The following ADK variants were observed in gnomAD, a reference collection of about 807,000 sequenced individuals.
ADK encodes N6,N6-dimethyladenosine kinase.
ADK carries 24 observed loss-of-function variants against 44.7 expected under a neutral mutation model. The ratio of observed to expected loss-of-function variants is 0.54; its 90% confidence interval spans 0.39 to 0.76. The LOEUF (loss-of-function observed/expected upper bound fraction) is 0.76, where lower values mean the gene tolerates loss of function less well. Ranked by LOEUF, ADK falls within the 30% of genes least tolerant of loss-of-function variation. The pLI is 0.00. For missense variants in ADK, 321 were observed against 425.1 expected (o/e 0.76, Z 2.15); for synonymous variants, 128 against 142.6 (o/e 0.90, Z 0.73).
intron 3 of ADK, among the ~76,000 whole-genome samples, chr10:74,275,878 T>A (rs1327607533): frequency 1.3e-5 from 2 of 152,118 alleles, no homozygotes; most frequent in Admixed American, 1.3e-4. Context: ...TGACCTCAGG[T>A]GATCTGCCTG....
intron 3 of ADK, among the ~76,000 whole-genome samples, chr10:74,312,965 T>C (rs1254612385): frequency 6.9e-6 from 1 of 144,202 alleles, no homozygotes; most frequent in South Asian, 2.3e-4. Flanking sequence ...CTTACCATTA[T>C]AAGTCTAAAT....
Position 74,273,512 on chromosome 10 carries a change from T to A in ADK, c.195-41155T>A, listed in dbSNP as rs150231882. Reference sequence around the variant, plus strand: ...TGCTCTTGTTCCCCAGGCTGGAGTGTGATGGCATGATCTTGGCTCACTGCA... The same window carrying A: ...TGCTCTTGTTCCCCAGGCTGGAGTGAGATGGCATGATCTTGGCTCACTGCA... On this transcript the variant is annotated intron_variant, in intron 3 of 10. Coordinates refer to ENST00000539909, the MANE Select transcript of ADK (RefSeq NM_006721.4). Among the ~76,000 whole-genome samples, 639 of 152,038 alleles carry A rather than the reference T, an allele frequency of 4.2e-3. 5 individuals are homozygous for A. Among genetic ancestry groups the A allele is most frequent in the African/African-American group, 0.015 (618 of 41,468 alleles).
At chr10:74,320,802 G>A (rs1840782294) in intron 4 of ADK, among the ~76,000 whole-genome samples, 1 of 152,138 alleles carries the variant, frequency 6.6e-6, no homozygotes, top group African/African-American at 2.4e-5. Context: ...CTAAATGTTA[G>A]AGATTTTGAG....
intron 3 of ADK, among the ~76,000 whole-genome samples, chr10:74,287,995 A>C: frequency 6.6e-6 from 1 of 151,726 alleles, no homozygotes; most frequent in East Asian, 1.9e-4. Context: ...AAAAAAAAAA[A>C]AAAAAAGAGA....
chr10:74,450,354 T>C lies in ADK; in HGVS notation c.555+51775T>C, dbSNP rs538510502. 4.9e-4 allele frequency among the ~76,000 whole-genome samples: 75 copies of C among 152,138 alleles called. 1 individual carries two copies. Among genetic ancestry groups the C allele is most frequent in the Non-Finnish European group, 9.4e-4 (64 of 68,020 alleles). ...CAGCAATACAGCCCCAATTTCTAAATTGGAGAAAGTCATTTTCTATTTCGT... is the reference window on the plus strand; with the variant it reads ...CAGCAATACAGCCCCAATTTCTAAACTGGAGAAAGTCATTTTCTATTTCGT... On this transcript the variant is annotated intron_variant, in intron 6 of 10. Transcript: ENST00000539909.
At chr10:74,659,598 T>G (rs1291374063) in intron 9 of ADK, among the ~76,000 whole-genome samples, 2 of 152,224 alleles carry the variant, frequency 1.3e-5, no homozygotes, top group Non-Finnish European at 2.9e-5. Context: ...ACTAATAGGA[T>G]AGATATGTAT....
intron 9 of ADK, chr10:74,655,804 C>T: frequency 2.0e-6 from 1 of 505,042 alleles, no homozygotes; most frequent in East Asian, 4.5e-5. Flanking sequence ...CCCATCAAGG[C>T]AGAGGTACAG....
At chr10:74,400,008 C>G (rs534682597) in intron 6 of ADK, among the ~76,000 whole-genome samples, 139 of 151,540 alleles carry the variant, frequency 9.2e-4, no homozygotes, top group Non-Finnish European at 1.5e-3. Flanking sequence ...AGTGTAGATT[C>G]AACTTGCAGA....
At chr10:74,205,369 G>C (rs1413008542) in intron 2 of ADK, among the ~76,000 whole-genome samples, 1 of 151,916 alleles carries the variant, frequency 6.6e-6, no homozygotes, top group Non-Finnish European at 1.5e-5. Context: ...TGTAGAGCAG[G>C]TTAACATTTG....
intron 9 of ADK, among the ~76,000 whole-genome samples, chr10:74,601,418 T>C (rs1852115102): frequency 6.6e-6 from 1 of 152,140 alleles, no homozygotes; most frequent in South Asian, 2.1e-4. Flanking sequence ...ATATTTGAGG[T>C]TTATAACATG....
At chr10:74,707,089 G>A (rs1448864489) in intron 10 of ADK, among the ~76,000 whole-genome samples, 3 of 152,180 alleles carry the variant, frequency 2.0e-5, no homozygotes, top group Admixed American at 6.5e-5. Flanking sequence ...AGGTTGGGGT[G>A]CAGTGATATG....
At chr10:74,540,727 G>A (rs1371980725) in intron 7 of ADK, among the ~76,000 whole-genome samples, 1 of 151,976 alleles carries the variant, frequency 6.6e-6, no homozygotes, top group South Asian at 2.1e-4. Context: ...CCCATGTGCT[G>A]GGGTTACAGG....
chr10:74,190,391 C>T (rs183562504), intron 1 of ADK, among the ~76,000 whole-genome samples: 325 of 152,298 alleles, frequency 2.1e-3, no homozygotes, highest in Non-Finnish European at 3.0e-3. Context: ...TTAGGGCCTT[C>T]TCAGGTCTTT....
intron 3 of ADK, among the ~76,000 whole-genome samples, chr10:74,263,285 C>G (rs777654805): frequency 2.0e-5 from 3 of 152,144 alleles, no homozygotes; most frequent in Non-Finnish European, 2.9e-5. Flanking sequence ...CATGAAAATA[C>G]GGTTGGGTGT....
chr10:74,525,192 A>G, intron 6 of ADK, 64 bp from the exon 7 acceptor site: 1 of 1,492,948 alleles, frequency 6.7e-7, no homozygotes, highest in East Asian at 2.3e-5. Flanking sequence ...GGTTTCTTTT[A>G]TTCTCACTGA....
chr10:74,182,348 T>TTTTATTTATTTATTTA (rs370735383), intron 1 of ADK, among the ~76,000 whole-genome samples: 10,727 of 145,636 alleles, frequency 0.074, 465 homozygotes, highest in Non-Finnish European at 0.092. Flanking sequence ...ACAGAAATCT[T>TTTTATTTATTTATTTA]TTTATTTATT....
At chr10:74,527,565 A>C (rs1849104381) in intron 7 of ADK, 9 of 747,794 alleles carry the variant, frequency 1.2e-5, no homozygotes, top group South Asian at 1.1e-4. Flanking sequence ...ATAAGAGCTC[A>C]AATTTGGAGG....
At chr10:74,582,560 G>A (rs1851407597) in intron 7 of ADK, among the ~76,000 whole-genome samples, 1 of 152,140 alleles carries the variant, frequency 6.6e-6, no homozygotes, top group Non-Finnish European at 1.5e-5. Flanking sequence ...CTCCTTGCTA[G>A]AATAGACAAG....
intron 4 of ADK, 52 bp downstream of exon 4, chr10:74,314,797 T>TA: frequency 7.7e-7 from 1 of 1,295,292 alleles, no homozygotes; most frequent in South Asian, 1.2e-5. Flanking sequence ...TCTAGACCCA[T>TA]GTCTATTTTG....
Sources: gnomAD v4.1 joint callset for allele counts (sites outside exome capture counted in the v4.1 genomes callset) on GRCh38, gnomAD v4.1.1 for gene constraint, MANE v1.5 for transcripts, NCBI Gene and HGNC (gene_info 2026-07-23, HGNC 2026-07-21) for gene names.